FBXO7: variants seen among roughly 807,000 people sequenced by gnomAD.
The protein encoded by FBXO7 is F-box protein 7.
A neutral mutation model predicts 50.2 loss-of-function variants in FBXO7; 31 were observed. The ratio of observed to expected loss-of-function variants is 0.62; its 90% CI spans 0.46 to 0.83. The LOEUF (loss-of-function observed/expected upper bound fraction) is 0.83, where lower values mean the gene tolerates loss of function less well. Ranked by LOEUF, FBXO7 falls within the 40% of genes least tolerant of loss-of-function variation. The pLI, the probability that FBXO7 is intolerant of heterozygous loss-of-function variation, is 0.00. For missense variants in FBXO7, 667 were observed against 646.6 expected, an observed-to-expected ratio of 1.03 and a Z score of -0.34; for synonymous variants, 256 against 253.1, an observed-to-expected ratio of 1.01 and a Z score of -0.11.
intron 5 of FBXO7, chr22:32,490,830 C>T (rs1181201930): frequency 1.6e-5 from 7 of 443,710 alleles, no homozygotes; most frequent in Non-Finnish European, 2.9e-5. Context: ...GTCTTTTCTA[C>T]AACTGCAGCC....
At chr22:32,491,203 C>G (rs1352340972) in intron 6 of FBXO7, 22 bp downstream of exon 6, 2 of 1,459,056 alleles carry the variant, frequency 1.4e-6, no homozygotes, top group African/African-American at 2.8e-5. Context: ...AATACTGTCA[C>G]AATTTAAATG....
intron 2 of FBXO7, among the ~76,000 whole-genome samples, chr22:32,482,349 CCCT>C (rs1174193995): frequency 5.9e-5 from 9 of 152,172 alleles, no homozygotes; most frequent in Admixed American, 4.6e-4. Flanking sequence ...CCTCCGGCTC[CCCT>C]CCATTTCTCC....
intron 5 of FBXO7, 70 bp from the exon 6 acceptor site, chr22:32,491,016 T>C: frequency 9.5e-7 from 1 of 1,049,344 alleles, no homozygotes; most frequent in Non-Finnish European, 1.5e-6. Context: ...GTTGATTGGG[T>C]TTGGCAGAAA....
chr22:32,480,352 T>G (rs980322632), intron 2 of FBXO7, among the ~76,000 whole-genome samples: 3 of 152,178 alleles, frequency 2.0e-5, no homozygotes, highest in Non-Finnish European at 4.4e-5. Flanking sequence ...CTCAACTTTT[T>G]TAGGGCTAGT....
Position 32,493,188 on chromosome 22 carries a change from T to C in FBXO7, c.1051T>C (p.Ser351Pro), listed in dbSNP as rs745445263. The C allele has an allele frequency of 6.8e-6, 11 of 1,614,220 alleles. No individual in the cohort carries two copies. Among genetic ancestry groups the C allele is most frequent in the Non-Finnish European group, 8.5e-6 (10 of 1,180,024 alleles). The change falls in exon 7 of 9, where the codon TCC (serine) becomes CCC (proline). Residue 351 changes from serine (S) to proline (P), a missense_variant. Physicochemically the swap from Ser to Pro is moderately conservative, Grantham distance 74. Transcript: ENST00000266087. ...LRIFRLLDVR[S>P]VLSLSAVCRD... ...GATCTTCCGACTTCTGGATGTTCGT[T>C]CCGTCTTGTCTTTGTCTGCGGTTTG...
chr22:32,480,675 T>C (rs1309920487), intron 2 of FBXO7, among the ~76,000 whole-genome samples: 7 of 139,454 alleles, frequency 5.0e-5, no homozygotes, highest in Admixed American at 2.1e-4. Flanking sequence ...TTTTCCCACC[T>C]TTTTTTTTTT....
chr22:32,475,934 A>G (rs1249122644), intron 1 of FBXO7: 1 of 152,378 alleles, frequency 6.6e-6, no homozygotes, highest in Non-Finnish European at 1.5e-5. Context: ...TTTGGGGACA[A>G]TAATTTGGGA....
intron 4 of FBXO7, among the ~76,000 whole-genome samples, chr22:32,486,649 A>G (rs1433897784): frequency 6.6e-6 from 1 of 152,032 alleles, no homozygotes; most frequent in Non-Finnish European, 1.5e-5. Context: ...CGAAATTTCT[A>G]TTTCTTTAGT....
chr22:32,484,960 CTG>C, intron 3 of FBXO7, 106 bp from the exon 4 acceptor site: 1 of 1,253,872 alleles, frequency 8.0e-7, no homozygotes, highest in East Asian at 2.3e-5. Context: ...ATTAAGAGGA[CTG>C]TGTGGAGTGA....
rs913160322 is a variant in FBXO7, at chr22:32,498,825, A to C, written c.*295A>C. The C allele has an allele frequency of 4.7e-6, 2 of 429,390 alleles. No individual in the cohort carries two copies. Among genetic ancestry groups the C allele is most frequent in the Non-Finnish European group, 8.4e-6 (2 of 238,540 alleles). The allele number at this position is 429,390 out of a possible 1,614,324, so 26.6% of individuals were successfully genotyped here. A position where few individuals can be genotyped will look rare whatever the true frequency, so the allele number is the denominator to read the frequency against. On this transcript the variant is annotated 3_prime_UTR_variant, in exon 9 of 9. Transcript: ENST00000266087. ...TCTTACCAGATTAAAAAAAAGTGTA[A>C]ATTACATGGTGGTCTTGACTTTTAT...
rs372547071 is a variant in FBXO7, at chr22:32,491,093, T to C, written c.879T>C (p.Asn293=). The change falls in exon 6 of 9, where the codon AAT becomes AAC. Residue 293 remains asparagine (N), a synonymous_variant. Transcript: ENST00000266087. ...CTTTAAAAAATATTCTAGGGGAAAA[T>C]GTAGCCAACATATACAAAGATCTTC... ...SFICKEKLGE[N]VANIYKDLQK... 2 of 1,611,694 alleles carry C rather than the reference T, an allele frequency of 1.2e-6. No homozygotes were observed. Among genetic ancestry groups the C allele is most frequent in the African/African-American group, 2.7e-5 (2 of 74,870 alleles).
rs1257189819 is a variant in FBXO7 at position 32,496,506 on chromosome 22, A to G, written c.1182+976A>G. On this transcript the variant is annotated intron_variant, in intron 8 of 8. Transcript: ENST00000266087. ...CAAAAAACAAACAAAAAAACAACAA[A>G]AAAAGGAATTATGCTAAATCTGTGC... 2.6e-5 allele frequency among the ~76,000 whole-genome samples: 4 copies of G among 152,130 alleles called. No individual in the cohort carries two copies. In the East Asian group the frequency reaches 5.8e-4, roughly 22 times the overall value.
At position 32,479,205 on chromosome 22, in the gene FBXO7, A is replaced by G; in HGVS notation, c.347A>G (p.Gln116Arg). 2 of 1,614,132 alleles carry G rather than the reference A, an allele frequency of 1.2e-6. No homozygotes were observed. Among genetic ancestry groups the G allele is most frequent in the Non-Finnish European group, 1.7e-6 (2 of 1,180,010 alleles). Residue 116 changes from glutamine (Q) to arginine (R), a missense_variant, in exon 2 of 9, where the codon CAG becomes CGG. Transcript: ENST00000266087. ...LATSSNQTSMQDEQPSDSFQG... is the reference protein window; with the variant it reads ...LATSSNQTSMRDEQPSDSFQG... ...ACCAGCTCCAATCAGACTAGCATGC[A>G]GGATGAACAACCAAGTGATTCATTC...
chr22:32,492,060 CA>C lies in FBXO7; in HGVS notation c.967+880del, dbSNP rs143665946. ...TATGTCACTTCCACTCACGTTTTGT[CA>C]GAAAAAATAAGACAAAAATGGCCAA... On this transcript the variant is annotated intron_variant, in intron 6 of 8. Transcript: ENST00000266087. The C allele has an allele frequency of 4.3e-3, 661 of 152,072 alleles. 2 individuals are homozygous for C. The highest frequency in any genetic ancestry group is 0.015 in the African/African-American group (631 of 41,476). 9.4% of individuals were successfully genotyped at this position (152,072 alleles called of 1,614,324 possible). A position where few individuals can be genotyped will look rare whatever the true frequency, so the allele number is the denominator to read the frequency against.
rs1253284573 is a variant in FBXO7 at position 32,478,947 on chromosome 22, A to C, written c.123-34A>C. The C allele has an allele frequency of 2.5e-6, 4 of 1,592,550 alleles. No individual in the cohort carries two copies. In the East Asian group the frequency reaches 8.9e-5, roughly 36 times the overall value. On this transcript the variant is annotated intron_variant, in intron 1 of 8. Coordinates refer to ENST00000266087, the MANE Select transcript of FBXO7 (RefSeq NM_012179.4). ...GCTATTGAAGGTATTAGAAGTAGGT[A>C]GTTCTTACTATGCTTATCTGTCTTT...
Position 32,491,102 on chromosome 22 carries a change from C to T in FBXO7, c.888C>T (p.Asn296=). The T allele has an allele frequency of 6.2e-7, 1 of 1,612,654 alleles. No homozygotes were observed. Among genetic ancestry groups the T allele is most frequent in the Non-Finnish European group, 8.5e-7 (1 of 1,178,750 alleles). Residue 296 remains asparagine (N), a synonymous_variant, in exon 6 of 9, where the codon AAC becomes AAT. Transcript: ENST00000266087. ...CKEKLGENVA[N]IYKDLQKLSR... ...ATATTCTAGGGGAAAATGTAGCCAA[C>T]ATATACAAAGATCTTCAGAAACTCT...
In FBXO7 at chr22:32,474,899, C is replaced by T; in HGVS notation, c.-104C>T. 8.5e-7 allele frequency: 1 copy of T among 1,179,170 alleles called. No homozygotes were observed. The highest frequency in any genetic ancestry group is 1.2e-6 in the Non-Finnish European group (1 of 866,834). The allele number at this position is 1,179,170 out of a possible 1,614,324, so 73.0% of individuals were successfully genotyped here. ...TCAGCTACCCCTCAGCTCCGGTAGTCGCCAGTCCGGGGTCGTCGCCGTTTG... is the reference window on the plus strand; with the variant it reads ...TCAGCTACCCCTCAGCTCCGGTAGTTGCCAGTCCGGGGTCGTCGCCGTTTG... On this transcript the variant is annotated 5_prime_UTR_variant, in exon 1 of 9. Transcript: ENST00000266087.
intron 2 of FBXO7, 59 bp downstream of exon 2, chr22:32,479,334 C>A: frequency 1.4e-6 from 2 of 1,457,266 alleles, no homozygotes; most frequent in Non-Finnish European, 9.6e-7. Flanking sequence ...TTGAACACCT[C>A]AGTTGAATTC....
rs578206513 is a variant in FBXO7, at chr22:32,479,661, C to T, written c.417+386C>T. 8.9e-4 allele frequency among the ~76,000 whole-genome samples: 136 copies of T among 152,224 alleles called. 1 individual carries two copies. Among genetic ancestry groups the T allele is most frequent in the African/African-American group, 3.2e-3 (134 of 41,546 alleles). ...CTGCCCTCCTCGGCCTCCCAAAGTGCTGGGATTACAGGCATGAGCCACTGC... is the reference window on the plus strand; with the variant it reads ...CTGCCCTCCTCGGCCTCCCAAAGTGTTGGGATTACAGGCATGAGCCACTGC... On this transcript the variant is annotated intron_variant, in intron 2 of 8. Coordinates refer to ENST00000266087, the MANE Select transcript of FBXO7 (RefSeq NM_012179.4).
Sources: gnomAD v4.1 joint callset for allele counts (sites outside exome capture counted in the v4.1 genomes callset) on GRCh38, gnomAD v4.1.1 for gene constraint, MANE v1.5 for transcripts, NCBI Gene and HGNC (gene_info 2026-07-23, HGNC 2026-07-21) for gene names.